The following TENM3 variants were observed in gnomAD, a reference collection of about 807,000 sequenced individuals.
TENM3 encodes teneurin transmembrane protein 3.
TENM3 carries 63 observed loss-of-function variants against 255.1 expected under a neutral mutation model. The observed-to-expected ratio is 0.25, with a 90% confidence interval of 0.20 to 0.30. The LOEUF (loss-of-function observed/expected upper bound fraction) is 0.30, where lower values mean the gene tolerates loss of function less well. Ranked by LOEUF, TENM3 falls within the 10% of genes least tolerant of loss-of-function variation. The probability of loss-of-function intolerance (pLI) is 1.00; values close to 1 mark genes in which losing one functional copy is unlikely to be tolerated. For missense variants in TENM3, 2,929 were observed against 3,461.1 expected (o/e 0.85, Z 3.86); for synonymous variants, 1,306 against 1,322.3 (o/e 0.99, Z 0.27).
chr4:182,729,151 T>C lies in TENM3; in HGVS notation c.2555T>C (p.Val852Ala). 1 of 1,614,012 alleles carries C rather than the reference T, an allele frequency of 6.2e-7. No individual in the cohort carries two copies. The highest frequency in any genetic ancestry group is 8.5e-7 in the Non-Finnish European group (1 of 1,179,876). Reference sequence around the variant, plus strand: ...CTTATAGGATCTGATAGCACCCATGTTATACCTGGAGAAAGTCCTTTCAAT... The same window carrying C: ...CTTATAGGATCTGATAGCACCCATGCTATACCTGGAGAAAGTCCTTTCAAT... Reference protein sequence around the residue: ...SFLIGSDSTHVIPGESPFNKS... With the variant: ...SFLIGSDSTHAIPGESPFNKS... Residue 852 changes from valine to alanine, a missense_variant, in exon 14 of 28, where the codon GTT becomes GCT. Physicochemically the swap from Val to Ala is moderately conservative, Grantham distance 64. Around this residue, in one of 6 missense-constraint regions of TENM3, gnomAD observed 1,608 missense variants for 1,884.4 expected, o/e 0.85. Coordinates refer to ENST00000511685, the MANE Select transcript of TENM3 (RefSeq NM_001080477.4).
chr4:182,254,160 GCC>G (rs1050237804), intron 1 of TENM3, among the ~76,000 whole-genome samples: 43 of 152,210 alleles, frequency 2.8e-4, no homozygotes, highest in African/African-American at 1.0e-3. Flanking sequence ...AAAACCTAAT[GCC>G]CCTATGTGAA....
chr4:181,826,581 G>T, the TENM3 span, among the ~76,000 whole-genome samples: 1 of 152,210 alleles, frequency 6.6e-6, no homozygotes, highest in African/African-American at 2.4e-5. Flanking sequence ...CATCAGCAAA[G>T]TGGCTATTAG....
At chr4:182,785,544 C>CTTT (rs1765573738) in intron 24 of TENM3, among the ~76,000 whole-genome samples, 1 of 151,084 alleles carries the variant, frequency 6.6e-6, no homozygotes, top group Non-Finnish European at 1.5e-5. Flanking sequence ...CCTGTCTCTA[C>CTTT]TAAAAATACA....
chr4:182,450,303 G>A (rs1338321656), intron 3 of TENM3, among the ~76,000 whole-genome samples: 1 of 152,206 alleles, frequency 6.6e-6, no homozygotes, highest in Non-Finnish European at 1.5e-5. Context: ...AATACCCAGA[G>A]AAGGCATTTA....
chr4:182,062,334 T>G, the TENM3 span, among the ~76,000 whole-genome samples: 13 of 152,298 alleles, frequency 8.5e-5, no homozygotes, highest in East Asian at 2.5e-3. Flanking sequence ...AGGTTGAAGA[T>G]TTGGCCAGTA....
the TENM3 span, among the ~76,000 whole-genome samples, chr4:181,642,919 A>G: frequency 6.6e-6 from 1 of 152,164 alleles, no homozygotes; most frequent in Non-Finnish European, 1.5e-5. Flanking sequence ...CTTGTAGTAT[A>G]CTTTGAAATC....
chr4:181,670,614 GA>G, the TENM3 span, among the ~76,000 whole-genome samples: 1 of 152,122 alleles, frequency 6.6e-6, no homozygotes, highest in Admixed American at 6.5e-5. Flanking sequence ...AGTTAAGAGG[GA>G]AAAAATGTGT....
At chr4:182,626,033 A>G (rs2152463918) in intron 4 of TENM3, among the ~76,000 whole-genome samples, 1 of 152,336 alleles carries the variant, frequency 6.6e-6, no homozygotes, top group East Asian at 1.9e-4. Flanking sequence ...TATAAAGTTA[A>G]AATTTCAATG....
the TENM3 span, among the ~76,000 whole-genome samples, chr4:181,879,137 G>A: frequency 6.6e-6 from 1 of 152,258 alleles, no homozygotes; most frequent in African/African-American, 2.4e-5. Context: ...ACTATTTGAT[G>A]AGTCCATGTG....
the TENM3 span, among the ~76,000 whole-genome samples, chr4:181,541,997 C>A: frequency 7.1e-3 from 1,088 of 152,216 alleles, 15 homozygotes; most frequent in African/African-American, 0.025. Context: ...ATTCGACAAG[C>A]GTTAGCTGAG....
chr4:182,673,137 T>C lies in TENM3; in HGVS notation c.1244T>C (p.Phe415Ser). The C allele has an allele frequency of 6.2e-7, 1 of 1,613,844 alleles. No individual in the cohort carries two copies. The highest frequency in any genetic ancestry group is 8.5e-7 in the Non-Finnish European group (1 of 1,179,792). The stretch of plus-strand genomic sequence containing the variant: ...CAGCTCTTCATTGATCAGCCACAGT[T>C]TCTTAAATTCAATATCTCTCTTCAG... ...RSQLFIDQPQ[F>S]LKFNISLQKD... is the part of the protein sequence containing the mutation. Residue 415 changes from phenylalanine (F) to serine (S), a missense_variant, in exon 7 of 28, where the codon TTT (phenylalanine) becomes TCT (serine). Coordinates refer to ENST00000511685, the MANE Select transcript of TENM3 (RefSeq NM_001080477.4).
chr4:182,295,255 G>T (rs113872244), intron 1 of TENM3, among the ~76,000 whole-genome samples: 6,537 of 136,518 alleles, frequency 0.048, 268 homozygotes, highest in Middle Eastern at 0.083. Context: ...TATGTGCTTT[G>T]CTTTTCTTTT....
chr4:182,417,307 CAATAATAG>C, intron 3 of TENM3, among the ~76,000 whole-genome samples: 1 of 151,924 alleles, frequency 6.6e-6, no homozygotes, highest in African/African-American at 2.4e-5. Context: ...AGATGGAAAA[CAATAATAG>C]CAATTACATT....
chr4:181,711,995 TATG>T, the TENM3 span, among the ~76,000 whole-genome samples: 1 of 152,206 alleles, frequency 6.6e-6, no homozygotes, highest in Admixed American at 6.5e-5. Flanking sequence ...ATATATTTAT[TATG>T]GTGTAAATAC....
At chr4:182,630,695 C>G (rs1161396622) in intron 5 of TENM3, among the ~76,000 whole-genome samples, 1 of 152,024 alleles carries the variant, frequency 6.6e-6, no homozygotes, top group African/African-American at 2.4e-5. Context: ...GCACCTGCAC[C>G]CTGGAACTTA....
intron 3 of TENM3, among the ~76,000 whole-genome samples, chr4:182,452,343 C>CG (rs550515980): frequency 9.9e-4 from 58 of 58,714 alleles, no homozygotes; most frequent in South Asian, 5.0e-3. Flanking sequence ...GGACGGGGGG[C>CG]GGGGGGGTGT....
At chr4:182,469,728 A>AG (rs1450294706) in intron 3 of TENM3, among the ~76,000 whole-genome samples, 5 of 151,938 alleles carry the variant, frequency 3.3e-5, no homozygotes, top group African/African-American at 7.3e-5. Context: ...AAAAAAAAAA[A>AG]AGAGAACTGG....
At chr4:181,497,771 C>A in the TENM3 span, among the ~76,000 whole-genome samples, 1 of 152,152 alleles carries the variant, frequency 6.6e-6, no homozygotes, top group Non-Finnish European at 1.5e-5. Context: ...CAAACTACTT[C>A]CCCACTTCTT....
the TENM3 span, among the ~76,000 whole-genome samples, chr4:181,774,258 T>C: frequency 4.2e-5 from 2 of 47,822 alleles, no homozygotes; most frequent in Admixed American, 4.6e-4. Flanking sequence ...TGAGTGAGAA[T>C]ATGCGGTGTT....
Sources: gnomAD v4.1 joint callset for allele counts (sites outside exome capture counted in the v4.1 genomes callset) on GRCh38, gnomAD v4.1.1 for gene constraint, gnomAD v4.1.1 regional missense constraint, MANE v1.5 for transcripts, NCBI Gene and HGNC (gene_info 2026-07-23, HGNC 2026-07-21) for gene names.